The following B3GALT1 variants were observed in gnomAD, a reference collection of about 807,000 sequenced individuals.
B3GALT1 encodes UDP-Gal:betaGlcNAc beta 1,3-galactosyltransferase, polypeptide 1.
In B3GALT1, 10 loss-of-function variants were observed where a neutral mutation model predicts 23.2. The observed-to-expected ratio is 0.43, with a 90% CI of 0.27 to 0.73. The LOEUF is 0.73. Ranked by LOEUF, B3GALT1 falls within the 30% of genes least tolerant of loss-of-function variation. B3GALT1 has a pLI of 0.21. For missense variants in B3GALT1, 299 were observed against 405.4 expected (o/e 0.74, Z 2.25); for synonymous variants, 156 against 141.5 (o/e 1.10, Z -0.73).
intron 2 of B3GALT1, among the ~76,000 whole-genome samples, chr2:167,526,177 G>A (rs1683216688): frequency 6.6e-6 from 1 of 151,624 alleles, no homozygotes; most frequent in Non-Finnish European, 1.5e-5. Flanking sequence ...TTAGTGCACA[G>A]AGTTAGGTAA....
chr2:167,733,038 G>A (rs1000839838), intron 3 of B3GALT1, among the ~76,000 whole-genome samples: 3 of 152,190 alleles, frequency 2.0e-5, no homozygotes, highest in African/African-American at 7.2e-5. Flanking sequence ...GTGGCAGCTG[G>A]ACTGTAAAGC....
chr2:167,573,253 T>A (rs1266118737), intron 2 of B3GALT1, among the ~76,000 whole-genome samples: 1 of 151,824 alleles, frequency 6.6e-6, no homozygotes, highest in Non-Finnish European at 1.5e-5. Context: ...ACAGAAATAG[T>A]CTTTGGGTGT....
chr2:167,663,344 T>G (rs1686106333), intron 3 of B3GALT1, among the ~76,000 whole-genome samples: 1 of 152,058 alleles, frequency 6.6e-6, no homozygotes, highest in Non-Finnish European at 1.5e-5. Flanking sequence ...CCACATTTTC[T>G]TAATCCGGTC....
At chr2:167,494,135 A>G (rs1053025358) in intron 2 of B3GALT1, among the ~76,000 whole-genome samples, 1 of 152,152 alleles carries the variant, frequency 6.6e-6, no homozygotes, top group Non-Finnish European at 1.5e-5. Context: ...AAGAGTCTGA[A>G]AATTAGAAAA....
intron 4 of B3GALT1, among the ~76,000 whole-genome samples, chr2:167,846,504 T>G (rs1412837871): frequency 1.3e-5 from 2 of 152,096 alleles, no homozygotes; most frequent in Admixed American, 6.6e-5. Flanking sequence ...AAACTAAGCA[T>G]CATATATGAA....
chr2:167,701,421 G>A (rs760723901), intron 3 of B3GALT1, among the ~76,000 whole-genome samples: 1 of 151,952 alleles, frequency 6.6e-6, no homozygotes, highest in African/African-American at 2.4e-5. Flanking sequence ...AGCTTAGAGC[G>A]GCCAAAGTCA....
At position 167,617,752 on chromosome 2, in the gene B3GALT1, A is replaced by C. The variant is rs1410127998; in HGVS notation, c.-409-29157A>C. Among the ~76,000 whole-genome samples the C allele has an allele frequency of 2.0e-5, 3 of 152,028 alleles. No individual in the cohort carries two copies. In the East Asian group the frequency reaches 5.8e-4, roughly 29 times the overall value. ...AAAATCACCCAGCCTAATTCACTTA[A>C]TTAATTAATGAGGAAAGTAGGGGCA... On this transcript the variant is annotated intron_variant, in intron 2 of 4. Transcript: ENST00000392690.
chr2:167,715,280 T>C (rs930311243), intron 3 of B3GALT1: 61 of 1,613,832 alleles, frequency 3.8e-5, no homozygotes, highest in Non-Finnish European at 4.7e-5. Context: ...CTTGATGTGA[T>C]TTTCTTTATC....
chr2:167,845,592 GAAC>G (rs1420180057), intron 4 of B3GALT1, among the ~76,000 whole-genome samples: 2 of 152,102 alleles, frequency 1.3e-5, no homozygotes, highest in East Asian at 1.9e-4. Context: ...AAAAGAATCT[GAAC>G]AACAGCCTTC....
chr2:167,845,245 G>T (rs1372189111), intron 4 of B3GALT1, among the ~76,000 whole-genome samples: 1 of 152,102 alleles, frequency 6.6e-6, no homozygotes, highest in East Asian at 1.9e-4. Flanking sequence ...TACCACAGCT[G>T]GTGCTCTCTG....
At chr2:167,603,611 A>G in intron 2 of B3GALT1, among the ~76,000 whole-genome samples, 1 of 152,212 alleles carries the variant, frequency 6.6e-6, no homozygotes, top group East Asian at 1.9e-4. Context: ...AAATATTCCT[A>G]CCCAGCATAA....
chr2:167,298,112 A>T (rs769348441), intron 1 of B3GALT1, among the ~76,000 whole-genome samples: 4 of 152,194 alleles, frequency 2.6e-5, no homozygotes, highest in Non-Finnish European at 4.4e-5. Context: ...ACAAATGGTT[A>T]CCATATCTAG....
chr2:167,310,105 T>G (rs906739251), intron 1 of B3GALT1, among the ~76,000 whole-genome samples: 1 of 152,096 alleles, frequency 6.6e-6, no homozygotes, highest in African/African-American at 2.4e-5. Flanking sequence ...TATATTTGTA[T>G]TGGTGAGCCA....
At chr2:167,813,040 C>T (rs956912331) in intron 3 of B3GALT1, among the ~76,000 whole-genome samples, 30 of 130,744 alleles carry the variant, frequency 2.3e-4, no homozygotes, top group African/African-American at 8.5e-4. Flanking sequence ...TTTATTATCT[C>T]CATTACTGTA....
At chr2:167,812,979 G>C (rs61336886) in intron 3 of B3GALT1, among the ~76,000 whole-genome samples, 10 of 104,954 alleles carry the variant, frequency 9.5e-5, no homozygotes, top group Middle Eastern at 6.0e-3. Flanking sequence ...ACACACACAC[G>C]CACCACCACC....
chr2:167,657,294 G>A (rs966830112), intron 3 of B3GALT1, among the ~76,000 whole-genome samples: 13 of 151,964 alleles, frequency 8.6e-5, no homozygotes, highest in East Asian at 1.9e-4. Context: ...TTGAATCCTC[G>A]GGACTGGCTG....
intron 1 of B3GALT1, among the ~76,000 whole-genome samples, chr2:167,306,249 A>T (rs1430761722): frequency 6.6e-6 from 1 of 152,058 alleles, no homozygotes; most frequent in Non-Finnish European, 1.5e-5. Flanking sequence ...AAGAGTAAAT[A>T]TGTGATTGTA....
intron 2 of B3GALT1, among the ~76,000 whole-genome samples, chr2:167,576,080 G>A (rs1681032358): frequency 6.6e-6 from 1 of 151,712 alleles, no homozygotes; most frequent in Non-Finnish European, 1.5e-5. Flanking sequence ...AATTTTATAA[G>A]TTTTGATGGA....
At chr2:167,663,491 G>C (rs906680838) in intron 3 of B3GALT1, among the ~76,000 whole-genome samples, 1 of 152,070 alleles carries the variant, frequency 6.6e-6, no homozygotes, top group Non-Finnish European at 1.5e-5. Context: ...TGGGGTGGCT[G>C]GGTCAAATGG....
Sources: gnomAD v4.1 joint callset for allele counts (sites outside exome capture counted in the v4.1 genomes callset) on GRCh38, gnomAD v4.1.1 for gene constraint, MANE v1.5 for transcripts, NCBI Gene and HGNC (gene_info 2026-07-23, HGNC 2026-07-21) for gene names.